Variants in TSHZ2 observed in about 807,000 individuals in gnomAD.
TSHZ2 encodes the protein teashirt zinc finger homeobox 2.
In TSHZ2, 21 loss-of-function variants were observed where a neutral mutation model predicts 74.4. The observed-to-expected ratio is 0.28, with a 90% CI of 0.20 to 0.41. The LOEUF is 0.41. TSHZ2 is among the 10% of genes least tolerant of loss of function. TSHZ2 has a pLI of 1.00. For synonymous variants in TSHZ2, 540 were observed against 515.3 expected (o/e 1.05, Z -0.65); for missense variants, 1,244 against 1,293.5 (o/e 0.96, Z 0.59).
rs149205673 is a variant in TSHZ2, at chr20:53,448,344, T to C, written c.*9-38800T>C. ...GAGGAGTTGGTCAACAGGAAGCAGG[T>C]AGTCACTTAGGCAATCATGATGAAT... is the stretch of plus-strand genomic sequence containing the variant. On this transcript the variant is annotated intron_variant, in intron 2 of 2. Coordinates refer to ENST00000371497, the MANE Select transcript of TSHZ2 (RefSeq NM_173485.6). Among the ~76,000 whole-genome samples, 22 of 152,274 alleles carry C rather than the reference T, an allele frequency of 1.4e-4. No individual in the cohort carries two copies. In the East Asian group the frequency reaches 3.7e-3, roughly 25 times the overall value.
chr20:53,360,381 C>T (rs1392306454), intron 2 of TSHZ2, among the ~76,000 whole-genome samples: 1 of 152,192 alleles, frequency 6.6e-6, no homozygotes, highest in Non-Finnish European at 1.5e-5. Context: ...ACTTTAAGTA[C>T]TCTGCCCGTG....
chr20:53,415,639 T>C (rs1301429283), intron 2 of TSHZ2, among the ~76,000 whole-genome samples: 1 of 152,240 alleles, frequency 6.6e-6, no homozygotes, highest in Non-Finnish European at 1.5e-5. Flanking sequence ...ATATAAATAG[T>C]AAACAAAAAG....
intron 1 of TSHZ2, among the ~76,000 whole-genome samples, chr20:53,055,266 T>C (rs1466063186): frequency 2.0e-5 from 3 of 152,204 alleles, no homozygotes; most frequent in Non-Finnish European, 4.4e-5. Context: ...TAAGTGTGCA[T>C]TTTAAGTACA....
At chr20:53,301,221 G>A (rs568550630) in intron 2 of TSHZ2, among the ~76,000 whole-genome samples, 1 of 152,282 alleles carries the variant, frequency 6.6e-6, no homozygotes, top group South Asian at 2.1e-4. Context: ...GCCTCCCAAA[G>A]TGCTGGGATA....
At chr20:53,328,377 G>C (rs1484566905) in intron 2 of TSHZ2, among the ~76,000 whole-genome samples, 2 of 152,248 alleles carry the variant, frequency 1.3e-5, no homozygotes, top group African/African-American at 4.8e-5. Flanking sequence ...CTGTTTGTAA[G>C]TAGTTGGAAT....
intron 1 of TSHZ2, among the ~76,000 whole-genome samples, chr20:53,117,275 T>G (rs1986695842): frequency 6.6e-6 from 1 of 152,248 alleles, no homozygotes; most frequent in Non-Finnish European, 1.5e-5. Flanking sequence ...ATCATCACTG[T>G]CTGCAAGAGA....
At chr20:53,085,280 G>A (rs186281830) in intron 1 of TSHZ2, among the ~76,000 whole-genome samples, 41 of 152,186 alleles carry the variant, frequency 2.7e-4, no homozygotes, top group African/African-American at 8.4e-4. Context: ...CTGGAGAATC[G>A]CTTGAATCCA....
In TSHZ2 at chr20:53,256,379, T is replaced by G; in HGVS notation, c.2921T>G (p.Val974Gly). 1 of 1,613,252 alleles carries G rather than the reference T, an allele frequency of 6.2e-7. No individual in the cohort carries two copies. Among genetic ancestry groups the G allele is most frequent in the Non-Finnish European group, 8.5e-7 (1 of 1,179,288 alleles). ...QSKVEQEISR[V>G]SSAQRSPETI... ...AAGGTGGAGCAAGAGATCTCCCGGG[T>G]ATCGTCGGCTCAGAGGTCTCCAGAA... The change falls in exon 2 of 3, where the codon GTA becomes GGA. Residue 974 changes from valine (V) to glycine (G), a missense_variant. Val to Gly is a moderately radical substitution (Grantham distance 109, BLOSUM62 -3). Around this residue, in one of 6 missense-constraint regions of TSHZ2, gnomAD observed 185 missense variants for 213.3 expected, o/e 0.87. Transcript: ENST00000371497. The surrounding 1 kb of genome is among the most constrained non-coding windows in gnomAD (Gnocchi z 4.3).
chr20:53,331,641 G>C (rs573823008), intron 2 of TSHZ2, among the ~76,000 whole-genome samples: 2 of 152,284 alleles, frequency 1.3e-5, no homozygotes, highest in Middle Eastern at 3.4e-3. Context: ...TGGCTCAACG[G>C]AAGTCAGTCC....
At chr20:53,163,360 C>CTTTTTTTTTTTTTTTTTTT (rs55685519) in intron 1 of TSHZ2, among the ~76,000 whole-genome samples, 1 of 65,634 alleles carries the variant, frequency 1.5e-5, no homozygotes, top group Non-Finnish European at 2.8e-5. Flanking sequence ...CTCTCTGTCT[C>CTTTTTTTTTTTTTTTTTTT]TTTTTTTTTT....
chr20:53,012,218 A>T (rs940169010), intron 1 of TSHZ2, among the ~76,000 whole-genome samples: 1 of 152,144 alleles, frequency 6.6e-6, no homozygotes, highest in Non-Finnish European at 1.5e-5. Flanking sequence ...CAGCGAGGTC[A>T]CTTTGATATC....
At chr20:53,131,862 T>C (rs1987112988) in intron 1 of TSHZ2, among the ~76,000 whole-genome samples, 1 of 127,836 alleles carries the variant, frequency 7.8e-6, no homozygotes, top group Non-Finnish European at 1.6e-5. Context: ...CTAGCAATCC[T>C]AGTCTCTCAG....
At position 53,494,637 on chromosome 20, in the gene TSHZ2, T is replaced by G. The variant is rs1159307222; in HGVS notation, c.*7502T>G. On this transcript the variant is annotated 3_prime_UTR_variant, in exon 3 of 3. Transcript: ENST00000371497. Reference sequence around the variant, plus strand: ...GCCATTATTTTTTGCATCCAAAGAGTTTTTTTTTTTAAGGAAAATCATTCT... The same window carrying G: ...GCCATTATTTTTTGCATCCAAAGAGGTTTTTTTTTTAAGGAAAATCATTCT... 4 of 119,728 alleles carry G rather than the reference T, an allele frequency of 3.3e-5. No individual in the cohort carries two copies. The highest frequency in any genetic ancestry group is 6.3e-5 in the African/African-American group (2 of 31,722). 7.4% of individuals were successfully genotyped at this position (119,728 alleles called of 1,614,324 possible).
intron 1 of TSHZ2, among the ~76,000 whole-genome samples, chr20:53,180,895 T>C (rs1278150448): frequency 6.6e-6 from 1 of 152,122 alleles, no homozygotes; most frequent in Non-Finnish European, 1.5e-5. Context: ...TGCAGAATAA[T>C]ATAAATTAGA....
intron 2 of TSHZ2, among the ~76,000 whole-genome samples, chr20:53,402,544 C>G (rs1174899800): frequency 6.6e-6 from 1 of 152,086 alleles, no homozygotes; most frequent in African/African-American, 2.4e-5. Context: ...ATGCATTTCT[C>G]AAAATGTATC....
rs1987605631 is a variant in TSHZ2 at position 53,148,772 on chromosome 20, G to C, written c.41-104727G>C. Among the ~76,000 whole-genome samples the C allele has an allele frequency of 2.0e-5, 3 of 152,300 alleles. No individual in the cohort carries two copies. In the South Asian group the frequency reaches 6.2e-4, roughly 32 times the overall value. On this transcript the variant is annotated intron_variant, in intron 1 of 2. Transcript: ENST00000371497. ...TATTAATCTTCAGGGTACAGTCTTT[G>C]TATGGAGGGAATCCCTTGGGGGTTA...
chr20:53,019,452 C>G (rs1983155989), intron 1 of TSHZ2, among the ~76,000 whole-genome samples: 1 of 152,096 alleles, frequency 6.6e-6, no homozygotes, highest in Admixed American at 6.5e-5. Context: ...TTCTGAAACT[C>G]TGTGGCCAAG....
At chr20:53,136,749 C>T (rs1307821779) in intron 1 of TSHZ2, among the ~76,000 whole-genome samples, 1 of 151,600 alleles carries the variant, frequency 6.6e-6, no homozygotes, top group African/African-American at 2.4e-5. Context: ...CTAAGTGATG[C>T]AAATTGCTTT....
intron 2 of TSHZ2, among the ~76,000 whole-genome samples, chr20:53,374,093 C>G (rs1356287318): frequency 6.6e-6 from 1 of 152,108 alleles, no homozygotes; most frequent in African/African-American, 2.4e-5. Flanking sequence ...TTATGTCACC[C>G]AGGTAATAAA....
Sources: gnomAD v4.1 joint callset for allele counts (sites outside exome capture counted in the v4.1 genomes callset) on GRCh38, gnomAD v4.1.1 for gene constraint, gnomAD v4.1.1 regional missense constraint, Gnocchi (gnomAD v3.1) non-coding constraint, MANE v1.5 for transcripts, NCBI Gene and HGNC (gene_info 2026-07-23, HGNC 2026-07-21) for gene names.